Variants in MAP3K2 observed in about 807,000 individuals in gnomAD.
The protein encoded by MAP3K2 is mitogen-activated protein kinase kinase kinase 2.
In MAP3K2, 24 loss-of-function variants were observed where a neutral mutation model predicts 80.3. The observed-to-expected ratio is 0.30, with a 90% confidence interval of 0.22 to 0.42. MAP3K2 has a LOEUF of 0.42. Among genes scored for constraint, MAP3K2 ranks in the 10% least tolerant of loss-of-function variants. MAP3K2 has a pLI of 1.00. For synonymous variants in MAP3K2, 244 were observed against 253.7 expected (o/e 0.96, Z 0.36); for missense variants, 608 against 750.1 (o/e 0.81, Z 2.21).
intron 7 of MAP3K2, among the ~76,000 whole-genome samples, chr2:127,327,356 A>G (rs10180087): frequency 0.98 from 149,917 of 152,280 alleles, 73,840 homozygotes; most frequent in East Asian, 1. Context: ...AGGAAAAAGA[A>G]AGCAAAATTA....
chr2:127,358,350 C>T (rs1458260608), intron 1 of MAP3K2, among the ~76,000 whole-genome samples: 1 of 152,186 alleles, frequency 6.6e-6, no homozygotes, highest in African/African-American at 2.4e-5. Flanking sequence ...AATGGTACAA[C>T]CGCTTTGGAA....
chr2:127,362,488 T>TG (rs1686908553), intron 1 of MAP3K2, among the ~76,000 whole-genome samples: 1 of 152,226 alleles, frequency 6.6e-6, no homozygotes, highest in Non-Finnish European at 1.5e-5. Flanking sequence ...TTTTAAATGT[T>TG]TACAAATGTT....
At chr2:127,335,050 G>A (rs1018189837) in intron 5 of MAP3K2, among the ~76,000 whole-genome samples, 6 of 152,132 alleles carry the variant, frequency 3.9e-5, no homozygotes, top group African/African-American at 1.4e-4. Context: ...TTACAAGCGT[G>A]AGCAACCATG....
intron 11 of MAP3K2, among the ~76,000 whole-genome samples, chr2:127,323,128 A>G (rs1356489511): frequency 3.4e-5 from 5 of 149,244 alleles, no homozygotes; most frequent in African/African-American, 1.2e-4. Flanking sequence ...TAGGCCGGGC[A>G]CGGTGGCTCA....
In MAP3K2 at chr2:127,340,112, ATT is replaced by A. The variant is rs1243434000; in HGVS notation, c.5-1064_5-1063del. On this transcript the variant is annotated intron_variant, in intron 2 of 16. Transcript: ENST00000682094. Reference sequence around the variant, plus strand: ...TATTTTGTAGTGAAATTATTTGCATATTAAAATTTAAAAGTAATGGTTGCCAT... The same window carrying A: ...TATTTTGTAGTGAAATTATTTGCATAAAAATTTAAAAGTAATGGTTGCCAT... Among the ~76,000 whole-genome samples the A allele has an allele frequency of 4.6e-5, 7 of 152,336 alleles. No individual in the cohort carries two copies. In the East Asian group the frequency reaches 1.3e-3, roughly 29 times the overall value.
At chr2:127,312,092 A>G (rs570929916) in intron 15 of MAP3K2, among the ~76,000 whole-genome samples, 2 of 152,376 alleles carry the variant, frequency 1.3e-5, no homozygotes, top group African/African-American at 4.8e-5. Context: ...AAAACTAGAT[A>G]GATGATGCTG....
intron 15 of MAP3K2, among the ~76,000 whole-genome samples, chr2:127,309,113 C>G (rs1434300812): frequency 6.6e-6 from 1 of 152,186 alleles, no homozygotes; most frequent in African/African-American, 2.4e-5. Context: ...GTTTCTCTAT[C>G]ATAAAGCAAG....
intron 1 of MAP3K2, among the ~76,000 whole-genome samples, chr2:127,363,730 T>TCTCA (rs1686927103): frequency 6.6e-6 from 1 of 152,088 alleles, no homozygotes; most frequent in South Asian, 2.1e-4. Context: ...AGAGATAGAG[T>TCTCA]CTCACTCTGT....
At position 127,340,421 on chromosome 2, in the gene MAP3K2, G is replaced by C. The variant is rs371415024; in HGVS notation, c.5-1371C>G. The stretch of plus-strand genomic sequence containing the variant: ...AGCCTGTAATCCCAACACTTTGGGA[G>C]GCCGAGGGGGGCAGATCATAAGGTC... On this transcript the variant is annotated intron_variant, in intron 2 of 16. Coordinates refer to ENST00000682094, the MANE Select transcript of MAP3K2 (RefSeq NM_001371910.2). Among the ~76,000 whole-genome samples, 3 of 152,152 alleles carry C rather than the reference G, an allele frequency of 2.0e-5. No individual in the cohort carries two copies. The South Asian group carries it at 6.2e-4, about 32-fold the overall frequency.
Position 127,306,662 on chromosome 2 carries a change from G to C in MAP3K2, c.*917C>G, listed in dbSNP as rs1177136367. On this transcript the variant is annotated 3_prime_UTR_variant, in exon 17 of 17. Coordinates refer to ENST00000682094, the MANE Select transcript of MAP3K2 (RefSeq NM_001371910.2). This position sits in a 1 kb window ranked among gnomAD's most constrained non-coding sequence, Gnocchi z 4.7. ...ATTATTTCTCCATTCCTTTAATTTT[G>C]GGACGTCCCCCTCAAGTAAAACAAA... The C allele has an allele frequency of 6.6e-6, 1 of 152,054 alleles. No individual in the cohort carries two copies. Among genetic ancestry groups the C allele is most frequent in the African/African-American group, 2.4e-5 (1 of 41,386 alleles). 9.4% of individuals were successfully genotyped at this position (152,054 alleles called of 1,614,324 possible). A position where few individuals can be genotyped will look rare whatever the true frequency, so the allele number is the denominator to read the frequency against.
In MAP3K2 at chr2:127,337,773, A is replaced by G; in HGVS notation, c.129T>C (p.Asp43=). Residue 43 remains aspartate, a synonymous_variant, in exon 4 of 17, where the codon GAT becomes GAC. Transcript: ENST00000682094. The part of the protein sequence containing the change: ...AKSSSPKKQN[D]VRVKFEHRGE... ...CTCTATGTTCAAATTTGACTCGGAC[A>G]TCATTCTGTAATGAAATGACAAATC... 1 of 1,525,302 alleles carries G rather than the reference A, an allele frequency of 6.6e-7. No homozygotes were observed. The highest frequency in any genetic ancestry group is 8.9e-7 in the Non-Finnish European group (1 of 1,124,824). The allele number at this position is 1,525,302 out of a possible 1,614,324, so 94.5% of individuals were successfully genotyped here.
intron 1 of MAP3K2, among the ~76,000 whole-genome samples, chr2:127,380,112 T>G (rs1265297249): frequency 6.6e-6 from 1 of 152,222 alleles, no homozygotes; most frequent in Non-Finnish European, 1.5e-5. Flanking sequence ...AGGCATCACC[T>G]TTTAAGTAAT....
At chr2:127,374,812 C>T (rs181387376) in intron 1 of MAP3K2, among the ~76,000 whole-genome samples, 2 of 152,248 alleles carry the variant, frequency 1.3e-5, no homozygotes, top group East Asian at 3.9e-4. Flanking sequence ...CTCACAATTT[C>T]AACAATTTTG....
At chr2:127,351,492 GC>G (rs1455991030) in intron 1 of MAP3K2, among the ~76,000 whole-genome samples, 1 of 152,088 alleles carries the variant, frequency 6.6e-6, no homozygotes, top group African/African-American at 2.4e-5. Context: ...TTATCAAGAA[GC>G]ATCTCTATTT....
chr2:127,336,176 T>C (rs1313316924), intron 4 of MAP3K2, among the ~76,000 whole-genome samples: 1 of 152,228 alleles, frequency 6.6e-6, no homozygotes, highest in African/African-American at 2.4e-5. Flanking sequence ...TTTATCCTAA[T>C]ACAAATTTTA....
At chr2:127,328,236 C>T (rs1280434733) in intron 7 of MAP3K2, among the ~76,000 whole-genome samples, 1 of 152,194 alleles carries the variant, frequency 6.6e-6, no homozygotes, top group Non-Finnish European at 1.5e-5. Flanking sequence ...GACCGCGCCA[C>T]TGTACTCCAG....
At chr2:127,337,710 A>C (rs1030502917) in intron 4 of MAP3K2, 28 bp downstream of exon 4, 2 of 1,304,282 alleles carry the variant, frequency 1.5e-6, no homozygotes, top group Non-Finnish European at 2.1e-6. Flanking sequence ...TAAATCAATT[A>C]ATTAACATGT....
intron 1 of MAP3K2, among the ~76,000 whole-genome samples, chr2:127,346,412 A>T (rs979229520): frequency 6.9e-5 from 2 of 28,854 alleles, no homozygotes; most frequent in South Asian, 1.4e-3. Context: ...ACTGGTTTTA[A>T]AAAAAAAAAA....
intron 1 of MAP3K2, among the ~76,000 whole-genome samples, chr2:127,354,566 T>G (rs1480245714): frequency 6.6e-6 from 1 of 152,084 alleles, no homozygotes; most frequent in African/African-American, 2.4e-5. Flanking sequence ...AAAATTATGC[T>G]AAACTAAATG....
Sources: allele counts gnomAD v4.1 joint callset (sites outside exome capture counted in the v4.1 genomes callset), GRCh38; gene constraint gnomAD v4.1.1; non-coding constraint Gnocchi (gnomAD v3.1); transcripts MANE v1.5; gene names NCBI Gene and HGNC (gene_info 2026-07-23, HGNC 2026-07-21).